KCND2: variants seen among roughly 807,000 people sequenced by gnomAD.
KCND2 encodes potassium voltage-gated channel subfamily D member 2, also known as A-type voltage-gated potassium channel KCND2.
Under a neutral mutation model 54.4 loss-of-function variants are expected in KCND2, and 16 were observed. The observed-to-expected ratio is 0.29, with a 90% CI of 0.20 to 0.45. KCND2 has a LOEUF of 0.45. Among genes scored for constraint, KCND2 ranks in the 20% least tolerant of loss-of-function variants. The pLI is 1.00. For missense variants in KCND2, 486 were observed against 824.2 expected, an observed-to-expected ratio of 0.59 and a Z score of 5.02; for synonymous variants, 317 against 310.7, an observed-to-expected ratio of 1.02 and a Z score of -0.21.
intron 1 of KCND2, among the ~76,000 whole-genome samples, chr7:120,591,300 A>G (rs577482665): frequency 6.6e-6 from 1 of 152,314 alleles, no homozygotes; most frequent in South Asian, 2.1e-4. Context: ...ATCAGTGTTC[A>G]CTAAGTATCA....
chr7:120,710,838 A>G (rs1792528679), intron 1 of KCND2, among the ~76,000 whole-genome samples: 1 of 152,156 alleles, frequency 6.6e-6, no homozygotes, highest in Non-Finnish European at 1.5e-5. Flanking sequence ...TTCATACCCA[A>G]TTCATTCTCG....
chr7:120,502,444 G>T (rs1209938221), intron 1 of KCND2, among the ~76,000 whole-genome samples: 1 of 151,974 alleles, frequency 6.6e-6, no homozygotes, highest in African/African-American at 2.4e-5. Flanking sequence ...GGTCTAGCAG[G>T]TATTTAAGCT....
At chr7:120,656,654 A>T (rs1791807037) in intron 1 of KCND2, among the ~76,000 whole-genome samples, 1 of 152,208 alleles carries the variant, frequency 6.6e-6, no homozygotes, top group African/African-American at 2.4e-5. Context: ...TATCCATTTT[A>T]TGGTTCCCTT....
intron 1 of KCND2, among the ~76,000 whole-genome samples, chr7:120,691,757 C>G (rs1183416302): frequency 6.6e-6 from 1 of 152,074 alleles, no homozygotes; most frequent in African/African-American, 2.4e-5. Flanking sequence ...ATGTCATCAA[C>G]AAGGGAAGGA....
chr7:120,344,811 T>G (rs1289506199), intron 1 of KCND2, among the ~76,000 whole-genome samples: 2 of 152,212 alleles, frequency 1.3e-5, no homozygotes, highest in African/African-American at 4.8e-5. Context: ...AAGACATGAC[T>G]TCAACATCAT....
intron 1 of KCND2, among the ~76,000 whole-genome samples, chr7:120,449,853 T>C (rs1021306157): frequency 3.3e-5 from 5 of 152,170 alleles, no homozygotes; most frequent in African/African-American, 1.2e-4. Flanking sequence ...CAGCCTTCTG[T>C]AAATAAAAGC....
At chr7:120,640,673 A>G (rs1166630473) in intron 1 of KCND2, among the ~76,000 whole-genome samples, 1 of 152,230 alleles carries the variant, frequency 6.6e-6, no homozygotes, top group African/African-American at 2.4e-5. Context: ...TTCTTACTTT[A>G]AAAGGAATAT....
intron 1 of KCND2, among the ~76,000 whole-genome samples, chr7:120,619,307 G>C (rs137911131): frequency 6.6e-6 from 1 of 152,310 alleles, no homozygotes; most frequent in East Asian, 1.9e-4. Flanking sequence ...GCATGCATCT[G>C]TAGTCCTAGC....
chr7:120,339,111 G>A (rs1461742794), intron 1 of KCND2, among the ~76,000 whole-genome samples: 1 of 150,642 alleles, frequency 6.6e-6, no homozygotes, highest in East Asian at 1.9e-4. Context: ...AGCTAGGATG[G>A]TCTCAATCTG....
chr7:120,288,051 C>A (rs1435900651), intron 1 of KCND2, among the ~76,000 whole-genome samples: 1 of 152,082 alleles, frequency 6.6e-6, no homozygotes. Context: ...ACCAACTGGA[C>A]TAAAGAAAAT....
chr7:120,497,655 A>G (rs1318878009), intron 1 of KCND2, among the ~76,000 whole-genome samples: 2 of 152,190 alleles, frequency 1.3e-5, no homozygotes, highest in African/African-American at 4.8e-5. Flanking sequence ...AGCTTCAGCC[A>G]TTACACTCAA....
At chr7:120,280,585 C>T (rs918317772) in intron 1 of KCND2, among the ~76,000 whole-genome samples, 2 of 151,962 alleles carry the variant, frequency 1.3e-5, no homozygotes, top group Non-Finnish European at 2.9e-5. Flanking sequence ...CAATTATACT[C>T]ATCTTTGAAA....
intron 1 of KCND2, among the ~76,000 whole-genome samples, chr7:120,355,479 G>A (rs770841586): frequency 2.0e-5 from 3 of 151,968 alleles, no homozygotes; most frequent in Non-Finnish European, 2.9e-5. Context: ...CCTGGGAGGT[G>A]GGGGGGTGCA....
intron 1 of KCND2, among the ~76,000 whole-genome samples, chr7:120,492,047 C>T (rs1285595173): frequency 2.0e-5 from 3 of 152,044 alleles, no homozygotes; most frequent in African/African-American, 7.2e-5. Context: ...CTTGTATAAG[C>T]TGATACCGGA....
At chr7:120,488,805 T>A (rs1802730506) in intron 1 of KCND2, among the ~76,000 whole-genome samples, 3 of 152,184 alleles carry the variant, frequency 2.0e-5, no homozygotes, top group Non-Finnish European at 4.4e-5. Flanking sequence ...ATGAAAGTAA[T>A]ATACATGGAA....
intron 1 of KCND2, among the ~76,000 whole-genome samples, chr7:120,681,093 T>C (rs1488857863): frequency 6.6e-6 from 1 of 152,092 alleles, no homozygotes. Flanking sequence ...TCTGAAGCCA[T>C]ATAAACAAGC....
intron 1 of KCND2, among the ~76,000 whole-genome samples, chr7:120,434,976 G>T (rs1312094316): frequency 6.6e-6 from 1 of 151,794 alleles, no homozygotes; most frequent in African/African-American, 2.4e-5. Context: ...AAAAAAAAAA[G>T]AATAATGGTA....
chr7:120,594,045 G>A (rs1792703366), intron 1 of KCND2, among the ~76,000 whole-genome samples: 1 of 152,176 alleles, frequency 6.6e-6, no homozygotes, highest in Non-Finnish European at 1.5e-5. Flanking sequence ...AACCAGGTAA[G>A]TCAGAGAGCA....
At chr7:120,565,770 T>G (rs1792289112) in intron 1 of KCND2, among the ~76,000 whole-genome samples, 1 of 152,216 alleles carries the variant, frequency 6.6e-6, no homozygotes, top group Non-Finnish European at 1.5e-5. Flanking sequence ...GCAGAGGATA[T>G]ACCTGAGAAG....
Sources: allele counts gnomAD v4.1 joint callset (sites outside exome capture counted in the v4.1 genomes callset), GRCh38; gene constraint gnomAD v4.1.1; transcripts MANE v1.5; gene names NCBI Gene and HGNC (gene_info 2026-07-23, HGNC 2026-07-21).